TENM3: variants seen among roughly 807,000 people sequenced by gnomAD.
The protein encoded by TENM3 is teneurin transmembrane protein 3, also known as teneurin-3.
In TENM3, 63 loss-of-function variants were observed where a neutral mutation model predicts 255.1. That is an observed-to-expected ratio of 0.25 (90% CI 0.20 to 0.30). The LOEUF (loss-of-function observed/expected upper bound fraction) is 0.30, where lower values mean the gene tolerates loss of function less well. TENM3 is among the 10% of genes least tolerant of loss of function. TENM3 has a pLI of 1.00. For synonymous variants in TENM3, 1,306 were observed against 1,322.3 expected (o/e 0.99, Z 0.27); for missense variants, 2,929 against 3,461.1 (o/e 0.85, Z 3.86).
At chr4:182,056,294 A>T in the TENM3 span, among the ~76,000 whole-genome samples, 8 of 152,302 alleles carry the variant, frequency 5.3e-5, no homozygotes, top group Admixed American at 2.6e-4. Context: ...CATGTTATAC[A>T]TTATGTCACG....
At chr4:182,424,347 A>G (rs1207575411) in intron 3 of TENM3, among the ~76,000 whole-genome samples, 1 of 152,144 alleles carries the variant, frequency 6.6e-6, no homozygotes, top group East Asian at 1.9e-4. Flanking sequence ...GGCAATTTGC[A>G]TTTTGATCTT....
At chr4:181,905,152 T>C in the TENM3 span, among the ~76,000 whole-genome samples, 4 of 152,240 alleles carry the variant, frequency 2.6e-5, no homozygotes, top group Non-Finnish European at 5.9e-5. Context: ...AGATAGTACA[T>C]GCTCCTGTGT....
chr4:182,556,733 C>T (rs1204356214), intron 3 of TENM3, among the ~76,000 whole-genome samples: 1 of 152,142 alleles, frequency 6.6e-6, no homozygotes, highest in African/African-American at 2.4e-5. Flanking sequence ...AAAGCAAACA[C>T]TGAAATGACG....
chr4:182,208,782 C>A lies in TENM3; in HGVS notation c.-76+64028C>A, dbSNP rs559002862. ...CATGTCACTGCGGTGGCCTCTTAGA[C>A]CTGCAGAGCCCAGACTCCACCAGAG... On this transcript the variant is annotated intron_variant, in intron 1 of 2. Coordinates refer to the TENM3 transcript ENST00000512480. 3.3e-5 allele frequency among the ~76,000 whole-genome samples: 5 copies of A among 152,268 alleles called. No individual in the cohort carries two copies. The South Asian group carries it at 1.0e-3, about 32-fold the overall frequency.
the TENM3 span, among the ~76,000 whole-genome samples, chr4:182,014,821 A>T: frequency 8.1e-4 from 124 of 152,254 alleles, no homozygotes; most frequent in Non-Finnish European, 1.4e-3. Context: ...ATGCCCTGGG[A>T]CCAAGGACCC....
the TENM3 span, among the ~76,000 whole-genome samples, chr4:181,836,054 T>C: frequency 6.6e-6 from 1 of 152,164 alleles, no homozygotes; most frequent in African/African-American, 2.4e-5. Context: ...GCCTAAGTCC[T>C]ATGGGTACTA....
At chr4:182,621,478 G>A (rs894784513) in intron 4 of TENM3, among the ~76,000 whole-genome samples, 1 of 140,622 alleles carries the variant, frequency 7.1e-6, no homozygotes, top group African/African-American at 2.6e-5. Flanking sequence ...AAAGTCAGTG[G>A]CTGGCCAGGC....
At chr4:182,751,417 C>T (rs1762364011) in intron 19 of TENM3, among the ~76,000 whole-genome samples, 1 of 152,232 alleles carries the variant, frequency 6.6e-6, no homozygotes, top group South Asian at 2.1e-4. Flanking sequence ...CATGCTTCCC[C>T]TGGAATAAAC....
At chr4:182,347,755 G>A (rs528646436) in intron 3 of TENM3, among the ~76,000 whole-genome samples, 16 of 152,260 alleles carry the variant, frequency 1.1e-4, no homozygotes, top group African/African-American at 3.4e-4. Context: ...TGGGGCATCA[G>A]CAGCAATGCA....
upstream of TENM3, among the ~76,000 whole-genome samples, chr4:182,240,660 C>T (rs561715379): frequency 6.6e-6 from 1 of 152,302 alleles, no homozygotes; most frequent in Admixed American, 6.5e-5. Flanking sequence ...CGAGTCCCGG[C>T]CCTGCAGCCC....
the TENM3 span, among the ~76,000 whole-genome samples, chr4:181,670,630 G>T: frequency 1.3e-5 from 2 of 152,134 alleles, no homozygotes; most frequent in Non-Finnish European, 2.9e-5. Flanking sequence ...ATGTGTACTT[G>T]GTTGTAGGGC....
chr4:181,817,939 G>C, the TENM3 span, among the ~76,000 whole-genome samples: 3 of 152,192 alleles, frequency 2.0e-5, no homozygotes, highest in African/African-American at 7.2e-5. Context: ...GTTTTACAAA[G>C]TCCAGTGTTT....
the TENM3 span, among the ~76,000 whole-genome samples, chr4:181,504,320 C>T: frequency 6.6e-6 from 1 of 152,300 alleles, no homozygotes; most frequent in Admixed American, 6.5e-5. Context: ...ACTCTTGCCT[C>T]GTCTGCATTT....
Position 182,532,560 on chromosome 4 carries a change from G to A in TENM3, c.512-68364G>A, listed in dbSNP as rs923225814. Among the ~76,000 whole-genome samples the A allele has an allele frequency of 2.6e-5, 4 of 152,098 alleles. No homozygotes were observed. The East Asian group carries it at 5.8e-4, about 22-fold the overall frequency. On this transcript the variant is annotated intron_variant, in intron 3 of 27. Transcript: ENST00000511685. ...AGGCATTTTAATAAAAAATTTTACT[G>A]AGCTTGATTAGTTGATGAGAAGTAA... is the stretch of plus-strand genomic sequence containing the variant.
chr4:182,747,265 T>C (rs1762072697), intron 19 of TENM3, among the ~76,000 whole-genome samples: 1 of 152,192 alleles, frequency 6.6e-6, no homozygotes, highest in African/African-American at 2.4e-5. Flanking sequence ...GTTGGACTAA[T>C]GGGGGAATAA....
the TENM3 span, among the ~76,000 whole-genome samples, chr4:181,556,168 G>A: frequency 1.3e-5 from 2 of 152,066 alleles, no homozygotes; most frequent in African/African-American, 4.8e-5. Context: ...ATAATCCAAG[G>A]GAAATTTATA....
chr4:182,411,569 G>A (rs1769987120), intron 3 of TENM3, among the ~76,000 whole-genome samples: 2 of 152,278 alleles, frequency 1.3e-5, no homozygotes, highest in South Asian at 4.1e-4. Context: ...TAAGTCTGGA[G>A]GGGGCCCAAG....
the TENM3 span, among the ~76,000 whole-genome samples, chr4:181,521,069 G>A: frequency 6.6e-6 from 1 of 152,204 alleles, no homozygotes; most frequent in Admixed American, 6.5e-5. Flanking sequence ...TCCTCAATGG[G>A]AAGCTGATAC....
chr4:181,954,818 A>G, the TENM3 span, among the ~76,000 whole-genome samples: 1 of 152,136 alleles, frequency 6.6e-6, no homozygotes, highest in African/African-American at 2.4e-5. Flanking sequence ...CAGAAATTAT[A>G]TTTTGAGTTT....
Sources: allele counts gnomAD v4.1 joint callset (sites outside exome capture counted in the v4.1 genomes callset), GRCh38; gene constraint gnomAD v4.1.1; transcripts MANE v1.5; gene names NCBI Gene and HGNC (gene_info 2026-07-23, HGNC 2026-07-21).